ALG8: variants seen among roughly 807,000 people sequenced by gnomAD.
The protein encoded by ALG8 is dolichyl pyrophosphate Glc1Man9GlcNAc2 alpha-1,3-glucosyltransferase.
In ALG8, 48 loss-of-function variants were observed where a neutral mutation model predicts 70.2. The ratio of observed to expected loss-of-function variants is 0.68; its 90% CI spans 0.54 to 0.87. The LOEUF (loss-of-function observed/expected upper bound fraction) is 0.87, where lower values mean the gene tolerates loss of function less well. ALG8 is among the 40% of genes least tolerant of loss of function. The probability of loss-of-function intolerance (pLI) is 0.00; values close to 1 mark genes in which losing one functional copy is unlikely to be tolerated. For missense variants in ALG8, 572 were observed against 608.7 expected, an observed-to-expected ratio of 0.94 and a Z score of 0.64; for synonymous variants, 234 against 229.0, an observed-to-expected ratio of 1.02 and a Z score of -0.20.
intron 3 of ALG8, among the ~76,000 whole-genome samples, chr11:78,123,650 G>A (rs1006666116): frequency 1.3e-5 from 2 of 152,148 alleles, no homozygotes; most frequent in African/African-American, 4.8e-5. Context: ...TGTACTGTGT[G>A]CATACCCTAA....
rs1220218900 is a variant in ALG8, at chr11:78,123,315, GAAAAAAA to G, written c.368+699_368+705del. 1.0e-4 allele frequency among the ~76,000 whole-genome samples: 9 copies of G among 88,556 alleles called. No homozygotes were observed. In the East Asian group the frequency reaches 1.4e-3, roughly 14 times the overall value. The allele number at this position is 88,556 out of a possible 152,430, so 58.1% of individuals were successfully genotyped here. On this transcript the variant is annotated intron_variant, in intron 3 of 12. Transcript: ENST00000299626. ...AAGATTCCATCTCAGGGAAAAAAAA[GAAAAAAA>G]AAAAAAAAAAAAAAGAAAAAAAAGA... is the stretch of plus-strand genomic sequence containing the variant.
At chr11:78,103,853 C>G (rs1859905035) in intron 12 of ALG8, 127 bp downstream of exon 12, 1 of 547,138 alleles carries the variant, frequency 1.8e-6, no homozygotes, top group Non-Finnish European at 3.3e-6. Context: ...CTCTATTTAC[C>G]AATTTTTTTT....
At chr11:78,138,547 T>C (rs1861649730) in intron 1 of ALG8, among the ~76,000 whole-genome samples, 2 of 152,114 alleles carry the variant, frequency 1.3e-5, no homozygotes, top group East Asian at 1.9e-4. Context: ...CTCTCCCATA[T>C]TCAACAAGAG....
intron 5 of ALG8, among the ~76,000 whole-genome samples, chr11:78,118,954 G>A (rs1056135883): frequency 1.3e-5 from 2 of 152,128 alleles, no homozygotes; most frequent in East Asian, 1.9e-4. Flanking sequence ...ATTCAGGCCT[G>A]CCGCATGCTA....
intron 5 of ALG8, among the ~76,000 whole-genome samples, chr11:78,118,509 G>A (rs1860677894): frequency 6.7e-6 from 1 of 149,986 alleles, no homozygotes; most frequent in East Asian, 2.0e-4. Context: ...CCAGCTACTT[G>A]GGAGGCTGAG....
At chr11:78,101,435 C>T (rs868180865) in intron 12 of ALG8, among the ~76,000 whole-genome samples, 1 of 152,130 alleles carries the variant, frequency 6.6e-6, no homozygotes, top group Non-Finnish European at 1.5e-5. Context: ...TCTAGACTAA[C>T]CTGGCCAACA....
At chr11:78,112,850 T>C (rs1011401404) in intron 7 of ALG8, 80 bp from the exon 8 acceptor site, 6 of 1,533,688 alleles carry the variant, frequency 3.9e-6, no homozygotes, top group Admixed American at 1.9e-5. Flanking sequence ...GAACTCTCTA[T>C]GGTATAGTGT....
rs1175539777 is a variant in ALG8 at position 78,139,558 on chromosome 11, C to T, written c.31G>A (p.Gly11Ser). 6.4e-7 allele frequency: 1 copy of T among 1,561,022 alleles called. No individual in the cohort carries two copies. Among genetic ancestry groups the T allele is most frequent in the African/African-American group, 1.4e-5 (1 of 73,644 alleles). Reference protein sequence around the residue: MAALTIATGTGNWFSALALGV... With the variant: MAALTIATGTSNWFSALALGV... ...AGCGCCAAAGCCGAAAACCAATTGCCAGTACCCGTGGCAATTGTGAGCGCC... is the reference window on the plus strand; with the variant it reads ...AGCGCCAAAGCCGAAAACCAATTGCTAGTACCCGTGGCAATTGTGAGCGCC... Residue 11 changes from glycine (G) to serine (S), a missense_variant, in exon 1 of 13, where the codon GGC (glycine) becomes AGC (serine). Physicochemically the swap from Gly to Ser is moderately conservative, Grantham distance 56. Transcript: ENST00000299626.
In ALG8 at chr11:78,104,338, TCAGAAGAC is replaced by T; in HGVS notation, c.1276+10_1276+17del. 1 of 1,553,708 alleles carries T rather than the reference TCAGAAGAC, an allele frequency of 6.4e-7. No homozygotes were observed. On this transcript the variant is annotated intron_variant, in intron 11 of 12. Transcript: ENST00000299626. ...GTTGTGATAGTCAAATATATTTTTC[TCAGAAGAC>T]GCTGTTTACCTGGTGCAGTGAAGAG...
At chr11:78,111,551 CCA>C (rs1860290703) in intron 8 of ALG8, among the ~76,000 whole-genome samples, 1 of 152,178 alleles carries the variant, frequency 6.6e-6, no homozygotes, top group African/African-American at 2.4e-5. Context: ...TAGCCTGTGC[CCA>C]GTTTTTGCAC....
At chr11:78,139,230 T>C (rs972023975) in intron 1 of ALG8, 3 of 508,842 alleles carry the variant, frequency 5.9e-6, no homozygotes, top group African/African-American at 5.8e-5. Context: ...CAGAGGTTCT[T>C]AACTGCCTAT....
chr11:78,113,348 A>C (rs1412645119), intron 7 of ALG8, among the ~76,000 whole-genome samples: 1 of 151,976 alleles, frequency 6.6e-6, no homozygotes, highest in Admixed American at 6.6e-5. Context: ...GTGTATGTGT[A>C]ATGTACAGTT....
At chr11:78,123,315 G>GGAAAAAAAAAA (rs1860907541) in intron 3 of ALG8, among the ~76,000 whole-genome samples, 1 of 88,544 alleles carries the variant, frequency 1.1e-5, no homozygotes, top group Non-Finnish European at 2.0e-5. Flanking sequence ...GGAAAAAAAA[G>GGAAAAAAAAAA]AAAAAAAAAA....
intron 1 of ALG8, among the ~76,000 whole-genome samples, chr11:78,129,529 A>G (rs933374273): frequency 5.9e-5 from 9 of 152,340 alleles, no homozygotes; most frequent in African/African-American, 1.9e-4. Context: ...TTTTCACACA[A>G]TGGAATACTG....
intron 5 of ALG8, among the ~76,000 whole-genome samples, chr11:78,117,191 G>A (rs1010919664): frequency 1.3e-5 from 2 of 152,066 alleles, no homozygotes; most frequent in Admixed American, 6.6e-5. Context: ...TTCATTTTAT[G>A]GGGAAAATGA....
Position 78,114,258 on chromosome 11 carries a change from A to C in ALG8, c.673+8T>G, listed in dbSNP as rs1403264027. ...GAAAATGTTTTTGCTATTATTACCA[A>C]AACTTGCCTGGTTTATTTGCAGTGA... On this transcript the variant is annotated splice_region_variant and intron_variant, in intron 6 of 12. Transcript: ENST00000299626. 1 of 1,614,060 alleles carries C rather than the reference A, an allele frequency of 6.2e-7. No homozygotes were observed. The highest frequency in any genetic ancestry group is 1.1e-5 in the South Asian group (1 of 91,074).
intron 9 of ALG8, among the ~76,000 whole-genome samples, chr11:78,107,515 A>G (rs55897929): frequency 0.67 from 99,097 of 148,134 alleles, 34,036 homozygotes; most frequent in African/African-American, 0.83. Flanking sequence ...CACCGCACCT[A>G]GCCTTGATGT....
At chr11:78,103,091 C>T (rs890456580) in intron 12 of ALG8, 6 of 152,468 alleles carry the variant, frequency 3.9e-5, no homozygotes, top group Middle Eastern at 1.3e-3. Context: ...TTTGGGAGGC[C>T]GAGGTGGGTG....
At chr11:78,115,187 C>A (rs1039406061) in intron 5 of ALG8, among the ~76,000 whole-genome samples, 1 of 152,102 alleles carries the variant, frequency 6.6e-6, no homozygotes, top group Admixed American at 6.5e-5. Flanking sequence ...CGTGTGCCAA[C>A]ACACCCGGCT....
Sources: gnomAD v4.1 joint callset for allele counts (sites outside exome capture counted in the v4.1 genomes callset) on GRCh38, gnomAD v4.1.1 for gene constraint, MANE v1.5 for transcripts, NCBI Gene and HGNC (gene_info 2026-07-23, HGNC 2026-07-21) for gene names.